The following SLC9A3 variants were observed in gnomAD, a reference collection of about 807,000 sequenced individuals.
The protein encoded by SLC9A3 is sodium/hydrogen exchanger 3.
SLC9A3 carries 37 observed loss-of-function variants against 86.8 expected under a neutral mutation model. That is an observed-to-expected ratio of 0.43 (90% CI 0.33 to 0.56). The LOEUF (loss-of-function observed/expected upper bound fraction) is 0.56. SLC9A3 is among the 20% of genes least tolerant of loss of function. The pLI is 0.06. For synonymous variants in SLC9A3, 581 were observed against 528.3 expected, an observed-to-expected ratio of 1.10 and a Z score of -1.37; for missense variants, 1,011 against 1,171.9, an observed-to-expected ratio of 0.86 and a Z score of 2.00.
intron 1 of SLC9A3, among the ~76,000 whole-genome samples, chr5:503,745 A>G (rs181193451): frequency 2.0e-4 from 31 of 152,230 alleles, no homozygotes; most frequent in Non-Finnish European, 4.4e-4. Context: ...CAAATGGAGA[A>G]TCTTTCCATC....
intron 1 of SLC9A3, among the ~76,000 whole-genome samples, chr5:507,074 C>CA (rs754428552): frequency 3.8e-5 from 3 of 78,152 alleles, no homozygotes; most frequent in Non-Finnish European, 8.0e-5. Context: ...GATACTGTCT[C>CA]AAAAAATAAA....
At chr5:474,860 GGC>G in intron 16 of SLC9A3, 21 bp downstream of exon 16, 1 of 1,577,830 alleles carries the variant, frequency 6.3e-7, no homozygotes, top group East Asian at 2.3e-5. Flanking sequence ...GGGGTTAGGC[GGC>G]GGGAGGCCCG....
intron 1 of SLC9A3, among the ~76,000 whole-genome samples, chr5:492,372 GTA>G (rs1560961641): frequency 8.7e-5 from 4 of 45,938 alleles, no homozygotes; most frequent in Non-Finnish European, 1.8e-4. Flanking sequence ...GGGGAGGGAG[GTA>G]GGGGGGAACC....
chr5:511,589 A>G (rs974704653), intron 1 of SLC9A3, among the ~76,000 whole-genome samples: 1 of 152,234 alleles, frequency 6.6e-6, no homozygotes, highest in Admixed American at 6.5e-5. Flanking sequence ...ACACACGGAG[A>G]CACCACCACG....
Position 471,286 on chromosome 5 carries a change from G to A in SLC9A3, c.*2093C>T. ...AGGAGCGATCGGGAGTGGCCAAGCA[G>A]TTGCCTGGACTCAGCTTCTGACTCT... On this transcript the variant is annotated 3_prime_UTR_variant, in exon 17 of 17. Coordinates refer to ENST00000264938, the MANE Select transcript of SLC9A3 (RefSeq NM_004174.4). 5.9e-6 allele frequency: 1 copy of A among 169,556 alleles called. No individual in the cohort carries two copies. Among genetic ancestry groups the A allele is most frequent in the Admixed American group, 5.5e-5 (1 of 18,332 alleles). 10.5% of individuals were successfully genotyped at this position (169,556 alleles called of 1,614,324 possible).
chr5:524,239 G>C lies in SLC9A3; in HGVS notation c.84C>G (p.Val28=), dbSNP rs1318754092. The C allele has an allele frequency of 5.4e-6, 8 of 1,488,140 alleles. No homozygotes were observed. Among genetic ancestry groups the C allele is most frequent in the Non-Finnish European group, 7.2e-6 (8 of 1,117,794 alleles). 92.2% of individuals were successfully genotyped at this position (1,488,140 alleles called of 1,614,324 possible). ...ALGGLARAGG[V]EVEPGGAHGE... is the part of the protein sequence containing the mutation. ...CGTGCGCGCCGCCGGGCTCCACCTCGACGCCCCCGGCCCGCGCCAGCCCGC... is the reference window on the plus strand; with the variant it reads ...CGTGCGCGCCGCCGGGCTCCACCTCCACGCCCCCGGCCCGCGCCAGCCCGC... The change falls in exon 1 of 17, where the codon GTC becomes GTG. Residue 28 remains valine (V), a synonymous_variant. Coordinates refer to ENST00000264938, the MANE Select transcript of SLC9A3 (RefSeq NM_004174.4).
rs920368828 is a variant in SLC9A3 at position 481,506 on chromosome 5, G to A, written c.1517+59C>T. ...CATGTGGCTTCTGGTTCTTCCGAGT[G>A]GAGGATGTTTCCAGAAGCCGGGCTG... On this transcript the variant is annotated intron_variant, in intron 9 of 16. Coordinates refer to ENST00000264938, the MANE Select transcript of SLC9A3 (RefSeq NM_004174.4). The A allele has an allele frequency of 5.9e-5, 81 of 1,382,512 alleles. No individual in the cohort carries two copies. The Middle Eastern group carries it at 7.1e-4, about 12-fold the overall frequency. 85.6% of individuals were successfully genotyped at this position (1,382,512 alleles called of 1,614,324 possible).
rs2126621046 is a variant in SLC9A3 at position 484,577 on chromosome 5, A to G, written c.875T>C (p.Ile292Thr). 6.2e-7 allele frequency: 1 copy of G among 1,613,260 alleles called. No individual in the cohort carries two copies. Among genetic ancestry groups the G allele is most frequent in the Non-Finnish European group, 8.5e-7 (1 of 1,179,982 alleles). Reference protein sequence around the residue: ...VRIIEPGFVFIISYLSYLTSE... With the variant: ...VRIIEPGFVFTISYLSYLTSE... The stretch of plus-strand genomic sequence containing the variant: ...CGTCAGGTAGGACAGGTAGGAGATG[A>G]TGAACACGAAGCCGGGCTCGATGAT... Residue 292 changes from isoleucine (I) to threonine (T), a missense_variant, in exon 5 of 17, where the codon ATC (isoleucine) becomes ACC (threonine). This residue lies in a region of SLC9A3 where 565 missense variants were observed against 790.0 expected (regional missense o/e 0.72). Coordinates refer to ENST00000264938, the MANE Select transcript of SLC9A3 (RefSeq NM_004174.4).
At chr5:520,663 C>T (rs982363497) in intron 1 of SLC9A3, among the ~76,000 whole-genome samples, 1 of 152,176 alleles carries the variant, frequency 6.6e-6, no homozygotes, top group African/African-American at 2.4e-5. Context: ...TCCTCCAAGG[C>T]CTGTAGCTGA....
At chr5:523,003 AGCCCGGCGGG>A (rs1733929155) in intron 1 of SLC9A3, among the ~76,000 whole-genome samples, 1 of 152,166 alleles carries the variant, frequency 6.6e-6, no homozygotes, top group Non-Finnish European at 1.5e-5. Flanking sequence ...GAGAGCAGGC[AGCCCGGCGGG>A]GAGCTGAAAG....
intron 8 of SLC9A3, 35 bp from the exon 9 acceptor site, chr5:481,670 C>A (rs1385258601): frequency 6.3e-7 from 1 of 1,580,670 alleles, no homozygotes; most frequent in Non-Finnish European, 8.7e-7. Flanking sequence ...CGTCTCGGGG[C>A]GGCCAACCGG....
At chr5:486,829 G>T (rs897201810) in intron 3 of SLC9A3, among the ~76,000 whole-genome samples, 5 of 152,016 alleles carry the variant, frequency 3.3e-5, no homozygotes, top group African/African-American at 1.2e-4. Flanking sequence ...CCAGGACCGG[G>T]GTCCCGCAGG....
intron 1 of SLC9A3, among the ~76,000 whole-genome samples, chr5:518,911 G>A (rs1489771395): frequency 6.6e-6 from 1 of 152,152 alleles, no homozygotes; most frequent in African/African-American, 2.4e-5. Flanking sequence ...GAGCTGCCAG[G>A]TACCCACAGG....
chr5:491,935 G>A lies in SLC9A3; in HGVS notation c.348C>T (p.Phe116=), dbSNP rs762737816. 4 of 1,611,480 alleles carry A rather than the reference G, an allele frequency of 2.5e-6. No homozygotes were observed. The highest frequency in any genetic ancestry group is 4.5e-5 in the East Asian group (2 of 44,732). The change falls in exon 2 of 17, where the codon TTC becomes TTT. Residue 116 remains phenylalanine (F), a synonymous_variant. Transcript: ENST00000264938. The surrounding 1 kb of genome is among the most constrained non-coding windows in gnomAD (Gnocchi z 9.2). ...GCACGATGGGGGGCAGCAGGTAGAA[G>A]AAGAAGACGGTGGGCGTCAGTGTGA... ...ASFTLTPTVF[F]FYLLPPIVLD...
rs181281253 is a variant in SLC9A3, at chr5:472,079, G to C, written c.*1300C>G. The stretch of plus-strand genomic sequence containing the variant: ...CCACCGTGCAGGCAGGTTTCAGGTG[G>C]GTTGGACCCTGTGGGACTTGCCGTC... On this transcript the variant is annotated 3_prime_UTR_variant, in exon 17 of 17. Coordinates refer to ENST00000264938, the MANE Select transcript of SLC9A3 (RefSeq NM_004174.4). 2.3e-6 allele frequency: 1 copy of C among 443,314 alleles called. No individual in the cohort carries two copies. Among genetic ancestry groups the C allele is most frequent in the South Asian group, 1.6e-5 (1 of 62,874 alleles). 27.5% of individuals were successfully genotyped at this position (443,314 alleles called of 1,614,324 possible). A position where few individuals can be genotyped will look rare whatever the true frequency, so the allele number is the denominator to read the frequency against.
At chr5:493,718 C>T (rs540266618) in intron 1 of SLC9A3, among the ~76,000 whole-genome samples, 12 of 152,316 alleles carry the variant, frequency 7.9e-5, no homozygotes, top group South Asian at 2.1e-4. Flanking sequence ...ACACCAGCCC[C>T]GGGAGGGATC....
Position 483,422 on chromosome 5 carries a change from C to G in SLC9A3, c.993G>C (p.Ser331=). The change falls in exon 6 of 17, where the codon TCG becomes TCC. Residue 331 remains serine (S), a synonymous_variant. Transcript: ENST00000264938. ...TCATGGTGTAGCGCACGGTGGTGGC[C>G]GACTGCTCCGAGATGTTGGCCTTCA... ...KYVKANISEQ[S]ATTVRYTMKM... 6.3e-7 allele frequency: 1 copy of G among 1,584,666 alleles called. No homozygotes were observed. Among genetic ancestry groups the G allele is most frequent in the Non-Finnish European group, 8.6e-7 (1 of 1,165,852 alleles).
chr5:473,272 G>C lies in SLC9A3; in HGVS notation c.*107C>G, dbSNP rs1007794840. On this transcript the variant is annotated 3_prime_UTR_variant, in exon 17 of 17. Coordinates refer to ENST00000264938, the MANE Select transcript of SLC9A3 (RefSeq NM_004174.4). ...GAGGCGGGGCTCGGGGCTCGCGGTC[G>C]CTGTAGCCGCGCGGGGATCTGGGGT... is the stretch of plus-strand genomic sequence containing the variant. 15 of 1,184,732 alleles carry C rather than the reference G, an allele frequency of 1.3e-5. No individual in the cohort carries two copies. In the African/African-American group the frequency reaches 2.2e-4, roughly 17 times the overall value. 73.4% of individuals were successfully genotyped at this position (1,184,732 alleles called of 1,614,324 possible).
chr5:510,296 T>A (rs1740820249), intron 1 of SLC9A3, among the ~76,000 whole-genome samples: 1 of 152,122 alleles, frequency 6.6e-6, no homozygotes. Flanking sequence ...TCTAAGGTGT[T>A]CGTGTGGGAC....
Sources: allele counts gnomAD v4.1 joint callset (sites outside exome capture counted in the v4.1 genomes callset), GRCh38; gene constraint gnomAD v4.1.1; regional missense constraint gnomAD v4.1.1; non-coding constraint Gnocchi (gnomAD v3.1); transcripts MANE v1.5; gene names NCBI Gene and HGNC (gene_info 2026-07-23, HGNC 2026-07-21).